XKR6: variants seen among roughly 807,000 people sequenced by gnomAD.
The protein encoded by XKR6 is XK related 6.
Under a neutral mutation model 56.7 loss-of-function variants are expected in XKR6, and 22 were observed. The observed-to-expected ratio is 0.39, with a 90% CI of 0.28 to 0.55. XKR6 has a LOEUF of 0.55. XKR6 is among the 20% of genes least tolerant of loss of function. XKR6 has a pLI of 0.66. For missense variants in XKR6, 852 were observed against 889.0 expected (o/e 0.96, Z 0.53); for synonymous variants, 524 against 387.8 (o/e 1.35, Z -4.13).
chr8:11,003,166 G>GT (rs199576072), intron 1 of XKR6, among the ~76,000 whole-genome samples: 20,857 of 152,158 alleles, frequency 0.14, 1,897 homozygotes, highest in Non-Finnish European at 0.2. Flanking sequence ...TGAAATAATA[G>GT]AGTACGTACT....
rs137944721 is a variant in XKR6 at position 10,987,147 on chromosome 8, T to C, written c.765-62317A>G. Among the ~76,000 whole-genome samples the C allele has an allele frequency of 3.8e-4, 58 of 152,292 alleles. No homozygotes were observed. The East Asian group carries it at 0.011, about 28-fold the overall frequency. The stretch of plus-strand genomic sequence containing the variant: ...AAATATTACCCATGTAGTAAGAAAG[T>C]AATGTTTAAGCAGCTTCAAGTCTTA... On this transcript the variant is annotated intron_variant, in intron 1 of 2. Coordinates refer to ENST00000416569, the MANE Select transcript of XKR6 (RefSeq NM_173683.4).
In XKR6 at chr8:10,924,653, G is replaced by T. The variant is rs1163550052; in HGVS notation, c.942C>A (p.Asn314Lys). Residue 314 changes from asparagine to lysine, a missense_variant, in exon 2 of 3, where the codon AAC becomes AAA. Transcript: ENST00000416569. ...ACTCACAGGGCAGGGTCTCGGCGCT[G>T]TTCTTCTGGAGCATGATGTAGAGCT... ...VLQLYIMLQK[N>K]SAETLPCVSS... The T allele has an allele frequency of 8.1e-6, 13 of 1,608,078 alleles. No homozygotes were observed. The African/African-American group carries it at 1.2e-4, about 15-fold the overall frequency.
chr8:11,040,146 A>T lies in XKR6; in HGVS notation c.765-115316T>A, dbSNP rs946724572. Among the ~76,000 whole-genome samples, 4 of 150,892 alleles carry T rather than the reference A, an allele frequency of 2.7e-5. No individual in the cohort carries two copies. The East Asian group carries it at 7.8e-4, about 29-fold the overall frequency. ...AGGACCCAGGCCGGGGGGACCTTCCACTCCCTTGTCCATAAGGTCCACGAT... is the reference window on the plus strand; with the variant it reads ...AGGACCCAGGCCGGGGGGACCTTCCTCTCCCTTGTCCATAAGGTCCACGAT... On this transcript the variant is annotated intron_variant, in intron 1 of 2. Coordinates refer to ENST00000416569, the MANE Select transcript of XKR6 (RefSeq NM_173683.4).
chr8:11,003,541 T>C (rs920411455), intron 1 of XKR6, among the ~76,000 whole-genome samples: 1 of 152,222 alleles, frequency 6.6e-6, no homozygotes, highest in Non-Finnish European at 1.5e-5. Context: ...CTAATACTAT[T>C]ATACCTAATC....
intron 1 of XKR6, among the ~76,000 whole-genome samples, chr8:11,022,339 G>T (rs1240777332): frequency 1.3e-5 from 2 of 151,982 alleles, no homozygotes; most frequent in Non-Finnish European, 2.9e-5. Flanking sequence ...CATTGCTAGG[G>T]GAGAGCAGAT....
intron 1 of XKR6, among the ~76,000 whole-genome samples, chr8:11,004,224 A>C (rs2033942572): frequency 6.6e-6 from 1 of 152,204 alleles, no homozygotes; most frequent in Admixed American, 6.5e-5. Flanking sequence ...CTGTAATCCC[A>C]GCACTTTGGG....
chr8:10,924,497 G>T, intron 2 of XKR6, 137 bp downstream of exon 2: 2 of 1,014,988 alleles, frequency 2.0e-6, no homozygotes, highest in Non-Finnish European at 2.8e-6. Context: ...CTGCACTGGG[G>T]GCCGGGCGTC....
chr8:11,128,805 C>A, intron 1 of XKR6: 1 of 456,602 alleles, frequency 2.2e-6, no homozygotes, highest in South Asian at 1.6e-5. Flanking sequence ...ATTAGCTCAA[C>A]CTTCAAAATA....
intron 1 of XKR6, among the ~76,000 whole-genome samples, chr8:11,143,792 C>A (rs1397164565): frequency 6.6e-6 from 1 of 152,200 alleles, no homozygotes; most frequent in South Asian, 2.1e-4. Context: ...TAAGCTACTT[C>A]ATTCGACTCT....
At chr8:11,076,377 T>C (rs1800274676) in intron 1 of XKR6, among the ~76,000 whole-genome samples, 1 of 152,202 alleles carries the variant, frequency 6.6e-6, no homozygotes, top group African/African-American at 2.4e-5. Context: ...GTAGATTTTA[T>C]ATTATGCATA....
At chr8:11,092,584 C>G (rs995456331) in intron 1 of XKR6, among the ~76,000 whole-genome samples, 11 of 152,136 alleles carry the variant, frequency 7.2e-5, no homozygotes, top group African/African-American at 2.7e-4. Flanking sequence ...AGAGAAACTG[C>G]TGATCTCACG....
At chr8:11,182,899 C>A (rs1283728457) in intron 1 of XKR6, among the ~76,000 whole-genome samples, 1 of 152,164 alleles carries the variant, frequency 6.6e-6, no homozygotes, top group Non-Finnish European at 1.5e-5. Context: ...CCCCTGGCAG[C>A]CCCCTTTCTA....
At chr8:10,951,396 A>G (rs1393945954) in intron 1 of XKR6, among the ~76,000 whole-genome samples, 1 of 151,912 alleles carries the variant, frequency 6.6e-6, no homozygotes, top group African/African-American at 2.4e-5. Flanking sequence ...TGCAGCTCAG[A>G]GAGGGGAATG....
At chr8:10,985,260 G>T (rs549671397) in intron 1 of XKR6, among the ~76,000 whole-genome samples, 20 of 152,234 alleles carry the variant, frequency 1.3e-4, no homozygotes, top group Admixed American at 7.2e-4. Context: ...TCTTTCCTGT[G>T]TGGTTCTCAT....
At chr8:10,925,493 T>C (rs1310501561) in intron 1 of XKR6, among the ~76,000 whole-genome samples, 2 of 152,256 alleles carry the variant, frequency 1.3e-5, no homozygotes, top group Admixed American at 6.5e-5. Flanking sequence ...GGGCCTGCCA[T>C]GGAGTCTCCG....
At chr8:10,951,474 C>T (rs1586346379) in intron 1 of XKR6, among the ~76,000 whole-genome samples, 1 of 152,294 alleles carries the variant, frequency 6.6e-6, no homozygotes, top group East Asian at 1.9e-4. Context: ...GCGGCTGCAT[C>T]GGGAAGAACT....
chr8:11,139,533 C>T (rs534722410), intron 1 of XKR6, among the ~76,000 whole-genome samples: 3 of 152,010 alleles, frequency 2.0e-5, no homozygotes, highest in Non-Finnish European at 4.4e-5. Context: ...GAGTGCAGTC[C>T]GAGGGACTAG....
intron 1 of XKR6, among the ~76,000 whole-genome samples, chr8:11,039,050 A>C (rs1259970864): frequency 6.6e-6 from 1 of 151,366 alleles, no homozygotes; most frequent in Non-Finnish European, 1.5e-5. Flanking sequence ...TGGTCCCCAG[A>C]GAGTGGCGCA....
intron 1 of XKR6, among the ~76,000 whole-genome samples, chr8:11,094,158 T>A (rs991128763): frequency 6.6e-5 from 10 of 150,712 alleles, no homozygotes; most frequent in African/African-American, 2.5e-4. Flanking sequence ...ATCCACTGAA[T>A]CAGAAAACGT....
Sources: gnomAD v4.1 joint callset for allele counts (sites outside exome capture counted in the v4.1 genomes callset) on GRCh38, gnomAD v4.1.1 for gene constraint, MANE v1.5 for transcripts, NCBI Gene and HGNC (gene_info 2026-07-23, HGNC 2026-07-21) for gene names.